PLAC1: variants seen among roughly 807,000 people sequenced by gnomAD.
PLAC1 encodes the protein placenta associated 1.
For missense variants in PLAC1, 136 were observed against 163.2 expected, an observed-to-expected ratio of 0.83 and a Z score of 0.91; for synonymous variants, 68 against 62.1, an observed-to-expected ratio of 1.09 and a Z score of -0.44.
chrX:134,679,802 G>A (rs1052497165), intron 2 of PLAC1, among the ~76,000 whole-genome samples: 18 of 112,130 alleles, frequency 1.6e-4, no homozygotes, highest in Non-Finnish European at 2.8e-4. Context: ...TCAAGAGGTA[G>A]AACTGTCCAC....
chrX:134,741,643 A>G (rs1471453489), intron 1 of PLAC1, among the ~76,000 whole-genome samples: 2 of 107,485 alleles, frequency 1.9e-5, no homozygotes, highest in Non-Finnish European at 3.8e-5. Flanking sequence ...TGGGAGAAGC[A>G]CTGTATATAG....
chrX:134,586,643 G>A (rs1045934839), intron 2 of PLAC1, among the ~76,000 whole-genome samples: 29 of 106,393 alleles, frequency 2.7e-4, no homozygotes, highest in African/African-American at 8.2e-4. Context: ...CCTTCTCCTC[G>A]CTAACATTTT....
chrX:134,566,528 A>G lies in PLAC1; in HGVS notation c.155T>C (p.Phe52Ser), dbSNP rs773675327. Residue 52 changes from phenylalanine to serine, a missense_variant, in exon 3 of 3, where the codon TTT becomes TCT. Coordinates refer to ENST00000359237, the MANE Select transcript of PLAC1 (RefSeq NM_021796.4). ...FMLNNDVCVHFHELHLGLGCP... is the reference protein window; with the variant it reads ...FMLNNDVCVHSHELHLGLGCP... ...ACCCAGGCCCAAGTGTAGTTCATGA[A>G]AGTGTACACACACATCGTTGTTTAG... 8.3e-7 allele frequency: 1 copy of G among 1,211,871 alleles called. No homozygotes were observed.
intron 2 of PLAC1, among the ~76,000 whole-genome samples, chrX:134,581,582 G>T (rs930640277): frequency 2.6e-4 from 27 of 102,692 alleles, no homozygotes; most frequent in Non-Finnish European, 7.8e-5. Flanking sequence ...GGGTTCAAGT[G>T]ATTCTCCTGC....
intron 1 of PLAC1, among the ~76,000 whole-genome samples, chrX:134,746,616 T>A (rs774533616): frequency 6.3e-5 from 7 of 111,923 alleles, no homozygotes; most frequent in Middle Eastern, 4.6e-3. Flanking sequence ...TTGGCTCCAC[T>A]GGCCATATCA....
At position 134,638,413 on chromosome X, in the gene PLAC1, A is replaced by C. The variant is rs889624712; in HGVS notation, c.-131+19915T>G. 5.3e-5 allele frequency among the ~76,000 whole-genome samples: 6 copies of C among 112,620 alleles called. No individual in the cohort carries two copies. In the Admixed American group the frequency reaches 5.6e-4, roughly 11 times the overall value. On this transcript the variant is annotated intron_variant, in intron 1 of 2. Transcript: ENST00000359237. ...TGAGTTGACAGTTGTTGAGGTGTTG[A>C]CTATTAGCAGAAAAATCTTATAAAT...
chrX:134,565,896 G>A lies in PLAC1; in HGVS notation c.*148C>T. On this transcript the variant is annotated 3_prime_UTR_variant, in exon 3 of 3. Coordinates refer to ENST00000359237, the MANE Select transcript of PLAC1 (RefSeq NM_021796.4). Reference sequence around the variant, plus strand: ...GTTTACACATGAATATAAAAATATAGAAAAAGGCTTAATTCATGAAGTTGC... The same window carrying A: ...GTTTACACATGAATATAAAAATATAAAAAAAGGCTTAATTCATGAAGTTGC... 2.3e-6 allele frequency: 1 copy of A among 432,387 alleles called. No individual in the cohort carries two copies. The highest frequency in any genetic ancestry group is 3.7e-5 in the East Asian group (1 of 27,185). 35.6% of individuals were successfully genotyped at this position (432,387 alleles called of 1,213,427 possible).
chrX:134,623,642 C>T (rs1279317344), intron 1 of PLAC1, among the ~76,000 whole-genome samples: 1 of 111,701 alleles, frequency 9.0e-6, no homozygotes, highest in East Asian at 2.8e-4. Flanking sequence ...CATTATGCTT[C>T]TGAGTGGGGC....
At chrX:134,578,888 C>T (rs1312857014) in intron 2 of PLAC1, among the ~76,000 whole-genome samples, 1 of 109,801 alleles carries the variant, frequency 9.1e-6, no homozygotes, top group Non-Finnish European at 1.9e-5. Flanking sequence ...GGGCTCTGAT[C>T]CTTGGAACTG....
intron 2 of PLAC1, among the ~76,000 whole-genome samples, chrX:134,579,170 G>A (rs957970525): frequency 2.7e-5 from 3 of 110,210 alleles, no homozygotes; most frequent in African/African-American, 9.9e-5. Flanking sequence ...CCAATAGAAT[G>A]CACTCCCTCC....
intron 1 of PLAC1, among the ~76,000 whole-genome samples, chrX:134,629,688 A>T (rs1479828552): frequency 9.0e-6 from 1 of 111,693 alleles, no homozygotes; most frequent in Non-Finnish European, 1.9e-5. Context: ...TCCCTGTCAG[A>T]TGCAGCCAGA....
chrX:134,748,501 C>T (rs2147850182), intron 1 of PLAC1, among the ~76,000 whole-genome samples: 1 of 111,675 alleles, frequency 9.0e-6, no homozygotes, highest in South Asian at 3.8e-4. Flanking sequence ...AATCGCCTGT[C>T]TTCTCCCCAC....
At position 134,566,692 on chromosome X, in the gene PLAC1, C is replaced by CA. The variant is rs779169565; in HGVS notation, c.-11dup. 1 of 1,170,681 alleles carries CA rather than the reference C, an allele frequency of 8.5e-7. No homozygotes were observed. The highest frequency in any genetic ancestry group is 1.1e-6 in the Non-Finnish European group (1 of 870,071). ...ACTTAAAAACTTTCATCCCTGCAGC[C>CA]AATCAGATAATGAACCACAGGAAAC... On this transcript the variant is annotated 5_prime_UTR_variant, in exon 3 of 3. Transcript: ENST00000359237.
chrX:134,746,374 A>ATTGT (rs2078729193), intron 1 of PLAC1, among the ~76,000 whole-genome samples: 1 of 111,734 alleles, frequency 8.9e-6, no homozygotes, highest in Admixed American at 9.5e-5. Flanking sequence ...ACAGGAAGGC[A>ATTGT]CCCTTTACAT....
chrX:134,594,932 T>A (rs1334713751), intron 2 of PLAC1, among the ~76,000 whole-genome samples: 1 of 107,801 alleles, frequency 9.3e-6, no homozygotes, highest in Non-Finnish European at 1.9e-5. Context: ...TTTTCTAGGT[T>A]CTTGAGGTGG....
chrX:134,720,353 G>T (rs2078654174), intron 2 of PLAC1, among the ~76,000 whole-genome samples: 1 of 112,024 alleles, frequency 8.9e-6, no homozygotes, highest in African/African-American at 3.2e-5. Flanking sequence ...CTTAGTAAAT[G>T]GAATGACATT....
rs1359128769 is a variant in PLAC1 at position 134,734,071 on chromosome X, A to G, written n.90-552T>C. ...CAGTAAACCAGGACAACTGTGCCTG[A>G]TATCCCACAAGTAAAACAAGGAGGT... On this transcript the variant is annotated intron_variant and non_coding_transcript_variant, in intron 1 of 2. Transcript: ENST00000466797. 2.7e-5 allele frequency among the ~76,000 whole-genome samples: 3 copies of G among 111,700 alleles called. No individual in the cohort carries two copies. The East Asian group carries it at 8.4e-4, about 31-fold the overall frequency.
chrX:134,678,625 G>A (rs1483629696), intron 2 of PLAC1, among the ~76,000 whole-genome samples: 2 of 111,607 alleles, frequency 1.8e-5, no homozygotes, highest in South Asian at 3.8e-4. Flanking sequence ...TCTTCTAACA[G>A]TATAATGTAA....
chrX:134,620,705 T>G, intron 1 of PLAC1, among the ~76,000 whole-genome samples: 1 of 111,858 alleles, frequency 8.9e-6, no homozygotes. Flanking sequence ...AAGATTCAAA[T>G]AAGATAGTGA....
Sources: gnomAD v4.1 joint callset for allele counts (sites outside exome capture counted in the v4.1 genomes callset) on GRCh38, gnomAD v4.1.1 for gene constraint, MANE v1.5 for transcripts, NCBI Gene and HGNC (gene_info 2026-07-23, HGNC 2026-07-21) for gene names.